The following EYA4 variants were observed in gnomAD, a reference collection of about 807,000 sequenced individuals.
The protein encoded by EYA4 is protein phosphatase EYA4.
A neutral mutation model predicts 87.9 loss-of-function variants in EYA4; 31 were observed. The observed-to-expected ratio is 0.35, with a 90% CI of 0.27 to 0.48. The LOEUF is 0.48. Ranked by LOEUF, EYA4 falls within the 20% of genes least tolerant of loss-of-function variation. The probability of loss-of-function intolerance (pLI) is 0.99; values close to 1 mark genes in which losing one functional copy is unlikely to be tolerated. For synonymous variants in EYA4, 263 were observed against 270.6 expected, an observed-to-expected ratio of 0.97 and a Z score of 0.28; for missense variants, 678 against 761.4, an observed-to-expected ratio of 0.89 and a Z score of 1.29.
At chr6:133,359,619 T>G (rs1784315935) in intron 2 of EYA4, among the ~76,000 whole-genome samples, 1 of 152,202 alleles carries the variant, frequency 6.6e-6, no homozygotes, top group African/African-American at 2.4e-5. Context: ...TGTTGTAATA[T>G]TTGTTGTCTC....
chr6:133,518,196 T>C (rs1217692228), intron 17 of EYA4, among the ~76,000 whole-genome samples: 1 of 151,906 alleles, frequency 6.6e-6, no homozygotes, highest in Non-Finnish European at 1.5e-5. Flanking sequence ...GTCTTCTATA[T>C]AAGTTAAAAA....
intron 1 of EYA4, among the ~76,000 whole-genome samples, chr6:133,273,097 G>GTATATATATATATATATAAAAATA (rs1554213947): frequency 9.4e-6 from 1 of 106,638 alleles, no homozygotes; most frequent in South Asian, 3.8e-4. Flanking sequence ...ATATATATAT[G>GTATATATATATATATATAAAAATA]TATATATATA....
chr6:133,421,556 A>T (rs777062407), intron 3 of EYA4, among the ~76,000 whole-genome samples: 2 of 152,160 alleles, frequency 1.3e-5, no homozygotes, highest in East Asian at 3.9e-4. Context: ...ATATTTGGAC[A>T]TTTTCTTGTG....
chr6:133,441,513 G>A (rs935543362), intron 3 of EYA4, among the ~76,000 whole-genome samples: 1 of 152,204 alleles, frequency 6.6e-6, no homozygotes, highest in Admixed American at 6.5e-5. Flanking sequence ...TGCACACCTG[G>A]ACAACAGAGG....
chr6:133,435,064 T>G (rs530755564), intron 3 of EYA4: 2 of 152,332 alleles, frequency 1.3e-5, no homozygotes, highest in Admixed American at 6.5e-5. Flanking sequence ...AAACAAAAAT[T>G]TAGGGAAATG....
intron 3 of EYA4, among the ~76,000 whole-genome samples, chr6:133,382,864 G>T (rs1164477564): frequency 6.7e-6 from 1 of 148,744 alleles, no homozygotes; most frequent in Non-Finnish European, 1.5e-5. Context: ...TGAGAATGTT[G>T]TCAAATTAGG....
At chr6:133,304,547 G>T (rs1287791938) in intron 2 of EYA4, among the ~76,000 whole-genome samples, 2 of 152,168 alleles carry the variant, frequency 1.3e-5, no homozygotes, top group African/African-American at 2.4e-5. Context: ...TGTGTTGTTG[G>T]AGGATAAGTC....
At chr6:133,479,186 T>G (rs1009560625) in intron 11 of EYA4, among the ~76,000 whole-genome samples, 18 of 152,138 alleles carry the variant, frequency 1.2e-4, no homozygotes, top group African/African-American at 4.1e-4. Flanking sequence ...AATGGAACTT[T>G]TATGTGATTT....
At chr6:133,450,734 C>G (rs892070493) in intron 5 of EYA4, among the ~76,000 whole-genome samples, 1 of 152,226 alleles carries the variant, frequency 6.6e-6, no homozygotes, top group African/African-American at 2.4e-5. Context: ...TGGTCCTGAA[C>G]TCCTCACCTC....
At chr6:133,379,741 G>T (rs1269855468) in intron 2 of EYA4, among the ~76,000 whole-genome samples, 1 of 152,068 alleles carries the variant, frequency 6.6e-6, no homozygotes, top group East Asian at 1.9e-4. Flanking sequence ...CCTACTCAGG[G>T]CTGGGGATAT....
At chr6:133,263,260 C>A (rs994804600) in intron 1 of EYA4, among the ~76,000 whole-genome samples, 2 of 152,040 alleles carry the variant, frequency 1.3e-5, no homozygotes, top group African/African-American at 4.8e-5. Flanking sequence ...AATTGAAGGC[C>A]GTGAAGATAG....
intron 16 of EYA4, among the ~76,000 whole-genome samples, chr6:133,514,542 A>G (rs1358385994): frequency 1.3e-5 from 2 of 152,196 alleles, no homozygotes; most frequent in Non-Finnish European, 2.9e-5. Flanking sequence ...GAAACTGTAA[A>G]TTTTGATTGA....
intron 3 of EYA4, among the ~76,000 whole-genome samples, 165 bp from the exon 4 acceptor site, chr6:133,446,465 A>T (rs192264395): frequency 6.6e-6 from 1 of 152,074 alleles, no homozygotes; most frequent in Non-Finnish European, 1.5e-5. Context: ...ATTTGTTTGT[A>T]TGTTTGTTTC....
intron 3 of EYA4, among the ~76,000 whole-genome samples, chr6:133,408,219 G>A (rs1371194946): frequency 3.3e-5 from 5 of 152,072 alleles, no homozygotes; most frequent in Non-Finnish European, 7.4e-5. Flanking sequence ...CTTTTGTTGG[G>A]GAATACCTGG....
At chr6:133,527,895 G>GT (rs1249178647) in intron 19 of EYA4, among the ~76,000 whole-genome samples, 3 of 152,050 alleles carry the variant, frequency 2.0e-5, no homozygotes, top group African/African-American at 7.2e-5. Context: ...GTAATGCAGT[G>GT]TTTTTTCTTT....
At chr6:133,355,441 C>T (rs9493605) in intron 2 of EYA4, among the ~76,000 whole-genome samples, 4,938 of 152,264 alleles carry the variant, frequency 0.032, 237 homozygotes, top group African/African-American at 0.11. Flanking sequence ...AAATGCCCAT[C>T]AATAATAGAC....
chr6:133,264,421 CTG>C (rs1218780063), intron 1 of EYA4, among the ~76,000 whole-genome samples: 1 of 152,256 alleles, frequency 6.6e-6, no homozygotes, highest in African/African-American at 2.4e-5. Flanking sequence ...TCTGGTTGCA[CTG>C]TGAACGGTAA....
chr6:133,344,903 A>G (rs1485179104), intron 2 of EYA4, among the ~76,000 whole-genome samples: 1 of 152,158 alleles, frequency 6.6e-6, no homozygotes, highest in Non-Finnish European at 1.5e-5. Context: ...CAGAACTGAG[A>G]AACTTATTAG....
intron 2 of EYA4, among the ~76,000 whole-genome samples, chr6:133,331,624 C>T (rs1015445545): frequency 2.6e-5 from 4 of 152,150 alleles, no homozygotes; most frequent in Admixed American, 6.5e-5. Context: ...TTTACTGCAA[C>T]GGTGCTTTTT....
Sources: allele counts gnomAD v4.1 joint callset (sites outside exome capture counted in the v4.1 genomes callset), GRCh38; gene constraint gnomAD v4.1.1; transcripts MANE v1.5; gene names NCBI Gene and HGNC (gene_info 2026-07-23, HGNC 2026-07-21).